Variants in KLRK1 observed in about 807,000 individuals in gnomAD.
The protein encoded by KLRK1 is NKG2-D type II integral membrane protein.
Under a neutral mutation model 31.3 loss-of-function variants are expected in KLRK1, and 40 were observed. That is an observed-to-expected ratio of 1.28 (90% CI 0.99 to 1.67). The LOEUF (loss-of-function observed/expected upper bound fraction) is 1.67. Among genes scored for constraint, KLRK1 ranks in the 40% most tolerant of loss-of-function variants. The pLI is 0.00. For missense variants in KLRK1, 251 were observed against 260.0 expected (o/e 0.97, Z 0.24); for synonymous variants, 77 against 77.3 (o/e 1.00, Z 0.02).
chr12:10,379,380 T>A, intron 5 of KLRK1, 67 bp downstream of exon 5: 1 of 989,386 alleles, frequency 1.0e-6, no homozygotes, highest in Non-Finnish European at 1.4e-6. Context: ...ATGGAATACA[T>A]GTCTACACAA....
chr12:10,380,753 A>G (rs546137721), intron 3 of KLRK1, among the ~76,000 whole-genome samples: 7 of 152,294 alleles, frequency 4.6e-5, no homozygotes, highest in Non-Finnish European at 8.8e-5. Context: ...AGTCCAGTAT[A>G]GGGAGTTCAC....
chr12:10,389,015 A>G, intron 1 of KLRK1, 140 bp from the exon 2 acceptor site: 1 of 514,110 alleles, frequency 1.9e-6, no homozygotes, highest in Non-Finnish European at 3.4e-6. Context: ...CAATTCACAT[A>G]AAGCCAGGCA....
chr12:10,383,890 CAAAT>C (rs1343454370), intron 3 of KLRK1, among the ~76,000 whole-genome samples: 2 of 152,022 alleles, frequency 1.3e-5, no homozygotes, highest in African/African-American at 4.8e-5. Flanking sequence ...TGCCTTTGAA[CAAAT>C]AAACAAATTC....
At chr12:10,379,277 C>A in intron 5 of KLRK1, 170 bp downstream of exon 5, 1 of 223,124 alleles carries the variant, frequency 4.5e-6, no homozygotes. Flanking sequence ...TAAGTAGCCT[C>A]TACTTTTTAC....
intron 1 of KLRK1, among the ~76,000 whole-genome samples, chr12:10,389,443 G>A (rs2137824485): frequency 6.6e-6 from 1 of 152,160 alleles, no homozygotes; most frequent in Admixed American, 6.5e-5. Context: ...GCACAGCAGA[G>A]CTTCCAGAAA....
chr12:10,379,214 C>CAAA (rs10644323), intron 5 of KLRK1: 3,954 of 39,696 alleles, frequency 0.1, 382 homozygotes, highest in South Asian at 0.2. Flanking sequence ...GACCCCATCT[C>CAAA]AAAAAAAAAA....
At chr12:10,379,281 T>G (rs371657351) in intron 5 of KLRK1, 166 bp downstream of exon 5, 11 of 240,660 alleles carry the variant, frequency 4.6e-5, no homozygotes, top group African/African-American at 2.5e-4. Context: ...TAGCCTCTAC[T>G]TTTTACAAGT....
chr12:10,384,575 T>C (rs1449665386), intron 3 of KLRK1, among the ~76,000 whole-genome samples: 2 of 152,030 alleles, frequency 1.3e-5, no homozygotes, highest in Non-Finnish European at 2.9e-5. Context: ...GACCCTCATC[T>C]CACACCATAT....
intron 5 of KLRK1, 174 bp downstream of exon 5, chr12:10,379,273 G>T: frequency 4.7e-6 from 1 of 211,352 alleles, no homozygotes; most frequent in East Asian, 9.9e-5. Flanking sequence ...AACCTAAGTA[G>T]CCTCTACTTT....
intron 2 of KLRK1, 128 bp downstream of exon 2, chr12:10,388,643 C>T (rs995814461): frequency 2.8e-6 from 3 of 1,089,550 alleles, no homozygotes; most frequent in African/African-American, 1.6e-5. Flanking sequence ...AACATGAAAT[C>T]AACATAAATA....
At chr12:10,388,433 C>CTA (rs951775911) in intron 2 of KLRK1, among the ~76,000 whole-genome samples, 26 of 152,086 alleles carry the variant, frequency 1.7e-4, no homozygotes, top group Non-Finnish European at 2.5e-4. Flanking sequence ...CTAAACTAAA[C>CTA]TACACAGAGG....
intron 7 of KLRK1, among the ~76,000 whole-genome samples, chr12:10,373,883 A>G (rs2137799593): frequency 6.6e-6 from 1 of 152,348 alleles, no homozygotes; most frequent in Admixed American, 6.5e-5. Flanking sequence ...CTTCAATGTA[A>G]AATTGACAAA....
chr12:10,378,739 A>G, intron 5 of KLRK1, 34 bp from the exon 6 acceptor site: 1 of 1,555,212 alleles, frequency 6.4e-7, no homozygotes. Flanking sequence ...AATTCTACAC[A>G]TCTGAACCAT....
chr12:10,387,027 C>A lies in KLRK1; in HGVS notation c.41-17G>T. On this transcript the variant is annotated splice_polypyrimidine_tract_variant and intron_variant, in intron 2 of 7. Transcript: ENST00000240618. ...CACTCATCTCTAGAGAAAAAGAATTCAGGCTTATATGAGTCATGGCCTTTC... is the reference window on the plus strand; with the variant it reads ...CACTCATCTCTAGAGAAAAAGAATTAAGGCTTATATGAGTCATGGCCTTTC... The A allele has an allele frequency of 6.3e-7, 1 of 1,597,984 alleles. No individual in the cohort carries two copies. The highest frequency in any genetic ancestry group is 1.7e-5 in the Admixed American group (1 of 58,226).
At chr12:10,374,319 G>T (rs11834172) in intron 7 of KLRK1, among the ~76,000 whole-genome samples, 12,961 of 144,560 alleles carry the variant, frequency 0.09, 1,830 homozygotes, top group African/African-American at 0.3. Flanking sequence ...GGCCCCAGCT[G>T]AGATTTTTTA....
intron 3 of KLRK1, 96 bp from the exon 4 acceptor site, chr12:10,379,888 G>T: frequency 8.8e-7 from 1 of 1,130,930 alleles, no homozygotes; most frequent in Non-Finnish European, 1.2e-6. Context: ...TAAATGAGAA[G>T]GTGGTATTGA....
At chr12:10,385,985 ATT>A (rs5796391) in intron 3 of KLRK1, among the ~76,000 whole-genome samples, 799 of 146,638 alleles carry the variant, frequency 5.4e-3, no homozygotes, top group Non-Finnish European at 6.5e-3. Flanking sequence ...TATCCTATGA[ATT>A]TTTTTTTTTT....
chr12:10,387,338 T>G (rs1355956747), intron 2 of KLRK1, among the ~76,000 whole-genome samples: 1 of 152,140 alleles, frequency 6.6e-6, no homozygotes, highest in Non-Finnish European at 1.5e-5. Flanking sequence ...GAGAAAGACA[T>G]GTATTTAAAT....
intron 6 of KLRK1, 146 bp from the exon 7 acceptor site, chr12:10,378,381 T>C: frequency 7.6e-7 from 1 of 1,324,360 alleles, no homozygotes; most frequent in East Asian, 2.4e-5. Flanking sequence ...CGAGCACACA[T>C]ACATGATACC....
Sources: allele counts gnomAD v4.1 joint callset (sites outside exome capture counted in the v4.1 genomes callset), GRCh38; gene constraint gnomAD v4.1.1; transcripts MANE v1.5; gene names NCBI Gene and HGNC (gene_info 2026-07-23, HGNC 2026-07-21).